The following NRXN3 variants were observed in gnomAD, a reference collection of about 807,000 sequenced individuals.
NRXN3 encodes the protein neurexin III.
In NRXN3, 32 loss-of-function variants were observed where a neutral mutation model predicts 137.6. The observed-to-expected ratio is 0.23, with a 90% confidence interval of 0.18 to 0.31. The LOEUF is 0.31. NRXN3 is among the 10% of genes least tolerant of loss of function. The pLI is 1.00. For synonymous variants in NRXN3, 798 were observed against 784.5 expected (o/e 1.02, Z -0.29); for missense variants, 1,574 against 2,062.5 (o/e 0.76, Z 4.59).
chr14:79,740,712 T>TTATATATA lies in NRXN3; in HGVS notation c.4014+42824_4014+42831dup, dbSNP rs869216055. Among the ~76,000 whole-genome samples, 50 of 16,022 alleles carry TTATATATA rather than the reference T, an allele frequency of 3.1e-3. 1 individual carries two copies. The highest frequency in any genetic ancestry group is 5.2e-3 in the South Asian group (3 of 582). The allele number at this position is 16,022 out of a possible 152,430, so 10.5% of individuals were successfully genotyped here. A position where few individuals can be genotyped will look rare whatever the true frequency, so the allele number is the denominator to read the frequency against. On this transcript the variant is annotated intron_variant, in intron 19 of 20. Transcript: ENST00000335750. ...TCCACTGGACTTTGCATTTAGTTTT[T>TTATATATA]TATATATATATATATATATATATAT...
At chr14:78,579,389 C>T (rs984426800) in intron 4 of NRXN3, among the ~76,000 whole-genome samples, 2 of 152,186 alleles carry the variant, frequency 1.3e-5, no homozygotes, top group Non-Finnish European at 2.9e-5. Flanking sequence ...GCCTTCTCCA[C>T]TTCACTGGTG....
intron 19 of NRXN3, among the ~76,000 whole-genome samples, chr14:79,788,290 G>A (rs1350522857): frequency 6.6e-6 from 1 of 152,136 alleles, no homozygotes; most frequent in Non-Finnish European, 1.5e-5. Context: ...CGCAATTCAA[G>A]GTGAGATTTG....
chr14:79,133,946 AAAAAAGGAAAG>A (rs2057935807), intron 15 of NRXN3, among the ~76,000 whole-genome samples: 1 of 116,694 alleles, frequency 8.6e-6, no homozygotes, highest in Non-Finnish European at 1.8e-5. Context: ...AGAAAAAAAA[AAAAAAGGAAAG>A]AAAAAAGAAA....
intron 15 of NRXN3, among the ~76,000 whole-genome samples, chr14:79,039,254 A>T (rs1344866875): frequency 1.3e-5 from 2 of 152,196 alleles, no homozygotes; most frequent in Admixed American, 1.3e-4. Flanking sequence ...ACTGTGAATG[A>T]TGTACTCACT....
chr14:78,778,678 T>TTTCC (rs1555489569), intron 8 of NRXN3, among the ~76,000 whole-genome samples: 2 of 114,472 alleles, frequency 1.7e-5, no homozygotes. Flanking sequence ...TTCTCTTTTC[T>TTTCC]TTTCTTTCTT....
chr14:78,252,980 T>G (rs942291141), intron 2 of NRXN3, among the ~76,000 whole-genome samples: 2 of 151,352 alleles, frequency 1.3e-5, no homozygotes, highest in African/African-American at 4.9e-5. Context: ...TCTCTCAGGC[T>G]TCTTTTCTTT....
At chr14:79,637,104 C>T (rs952569913) in intron 16 of NRXN3, among the ~76,000 whole-genome samples, 7 of 152,108 alleles carry the variant, frequency 4.6e-5, no homozygotes, top group African/African-American at 1.7e-4. Context: ...AATCCTGGCT[C>T]CTTCACTTAC....
chr14:79,690,255 T>A lies in NRXN3; in HGVS notation c.3617-1918T>A, dbSNP rs2098711467. Among the ~76,000 whole-genome samples the A allele has an allele frequency of 3.3e-5, 5 of 152,278 alleles. 1 individual carries two copies. In the South Asian group the frequency reaches 1.0e-3, roughly 32 times the overall value. ...TTTCTATGAAAACGTCTAAAAAGTT[T>A]ACTCAACTTTATTTTGAATGAATAG... On this transcript the variant is annotated intron_variant, in intron 17 of 20. Transcript: ENST00000335750.
At chr14:78,532,892 G>A (rs1257122294) in intron 4 of NRXN3, among the ~76,000 whole-genome samples, 2 of 151,900 alleles carry the variant, frequency 1.3e-5, no homozygotes, top group African/African-American at 4.8e-5. Flanking sequence ...ATTTCTGCAT[G>A]TGACACCACT....
intron 15 of NRXN3, among the ~76,000 whole-genome samples, chr14:79,344,157 A>G (rs1378354420): frequency 6.6e-6 from 1 of 152,118 alleles, no homozygotes; most frequent in Non-Finnish European, 1.5e-5. Context: ...TCTATATTCT[A>G]CTGAGGCAAG....
chr14:79,495,802 T>C (rs920045856), intron 16 of NRXN3, among the ~76,000 whole-genome samples: 5 of 152,068 alleles, frequency 3.3e-5, no homozygotes, highest in Non-Finnish European at 7.4e-5. Flanking sequence ...ATATATTTTA[T>C]GAAGACCTTT....
At chr14:79,186,056 C>T (rs2063504873) in intron 15 of NRXN3, among the ~76,000 whole-genome samples, 1 of 152,092 alleles carries the variant, frequency 6.6e-6, no homozygotes, top group African/African-American at 2.4e-5. Context: ...TGGAGATGTT[C>T]ATGGTACATA....
intron 15 of NRXN3, among the ~76,000 whole-genome samples, chr14:79,047,463 C>T (rs913297499): frequency 6.6e-6 from 1 of 152,010 alleles, no homozygotes; most frequent in Non-Finnish European, 1.5e-5. Flanking sequence ...AAAAATTCAG[C>T]TCATCAAAAT....
At chr14:78,966,636 T>G (rs1233628807) in intron 12 of NRXN3, among the ~76,000 whole-genome samples, 1 of 152,222 alleles carries the variant, frequency 6.6e-6, no homozygotes, top group Non-Finnish European at 1.5e-5. Flanking sequence ...ACAGACTTTT[T>G]CCTATGAAAT....
chr14:79,067,309 TG>T (rs1428909079), intron 15 of NRXN3, among the ~76,000 whole-genome samples: 1 of 152,228 alleles, frequency 6.6e-6, no homozygotes, highest in Non-Finnish European at 1.5e-5. Flanking sequence ...ATCCCAGTGA[TG>T]AAGCCAACTT....
intron 15 of NRXN3, among the ~76,000 whole-genome samples, chr14:79,440,593 G>A (rs1428869270): frequency 1.3e-5 from 2 of 152,026 alleles, no homozygotes; most frequent in African/African-American, 4.8e-5. Flanking sequence ...GTGGTGTCTG[G>A]ATTTGTATAA....
Position 78,649,352 on chromosome 14 carries a change from G to A in NRXN3, c.1060-1813G>A, listed in dbSNP as rs140222193. 108 of 1,095,098 alleles carry A rather than the reference G, an allele frequency of 9.9e-5. 1 individual carries two copies. Among genetic ancestry groups the A allele is most frequent in the African/African-American group, 5.4e-4 (32 of 59,810 alleles). The allele number at this position is 1,095,098 out of a possible 1,614,324, so 67.8% of individuals were successfully genotyped here. On this transcript the variant is annotated intron_variant, in intron 5 of 20. Coordinates refer to ENST00000335750, the MANE Select transcript of NRXN3 (RefSeq NM_001330195.2). ...TATTGTCTCTTTTTTTGGGTTTGCCGTGTGTTGCCCCCCTTTTCCTCTCCA... is the reference window on the plus strand; with the variant it reads ...TATTGTCTCTTTTTTTGGGTTTGCCATGTGTTGCCCCCCTTTTCCTCTCCA...
chr14:79,808,410 T>C (rs1477253196), intron 20 of NRXN3, among the ~76,000 whole-genome samples: 2 of 151,984 alleles, frequency 1.3e-5, no homozygotes, highest in Non-Finnish European at 2.9e-5. Flanking sequence ...CAACAGATAA[T>C]GGTGACATTT....
At chr14:78,864,438 C>A (rs2099081206) in intron 10 of NRXN3, among the ~76,000 whole-genome samples, 1 of 152,108 alleles carries the variant, frequency 6.6e-6, no homozygotes, top group Non-Finnish European at 1.5e-5. Context: ...AAGTTTAGGG[C>A]AGAAACTGAA....
Sources: allele counts gnomAD v4.1 joint callset (sites outside exome capture counted in the v4.1 genomes callset), GRCh38; gene constraint gnomAD v4.1.1; transcripts MANE v1.5; gene names NCBI Gene and HGNC (gene_info 2026-07-23, HGNC 2026-07-21).